ANKS1B: variants seen among roughly 807,000 people sequenced by gnomAD.
ANKS1B encodes ankyrin repeat and sterile alpha motif domain-containing protein 1B.
A neutral mutation model predicts 148.3 loss-of-function variants in ANKS1B; 36 were observed. That is an observed-to-expected ratio of 0.24 (90% CI 0.19 to 0.32). The LOEUF is 0.32. Ranked by LOEUF, ANKS1B falls within the 10% of genes least tolerant of loss-of-function variation. The probability of loss-of-function intolerance (pLI) is 1.00; values close to 1 mark genes in which losing one functional copy is unlikely to be tolerated. For synonymous variants in ANKS1B, 542 were observed against 560.8 expected (o/e 0.97, Z 0.47); for missense variants, 1,157 against 1,542.6 (o/e 0.75, Z 4.19).
chr12:99,568,176 C>G (rs2097417553), intron 9 of ANKS1B, among the ~76,000 whole-genome samples: 1 of 152,154 alleles, frequency 6.6e-6, no homozygotes, highest in East Asian at 1.9e-4. Flanking sequence ...GGATGCATTC[C>G]TTCTAGGGGC....
intron 12 of ANKS1B, among the ~76,000 whole-genome samples, chr12:99,358,416 A>G (rs2092210664): frequency 6.6e-6 from 1 of 152,238 alleles, no homozygotes; most frequent in South Asian, 2.1e-4. Flanking sequence ...TGCTTCCCCT[A>G]TAAAATATCA....
intron 17 of ANKS1B, chr12:98,895,415 C>T (rs1444874289): frequency 5.6e-5 from 32 of 568,002 alleles, no homozygotes; most frequent in Non-Finnish European, 7.1e-5. Flanking sequence ...TGGCAGCAGC[C>T]GCCACTGCCG....
chr12:99,807,285 C>G (rs993335908), intron 3 of ANKS1B, among the ~76,000 whole-genome samples: 12 of 152,028 alleles, frequency 7.9e-5, no homozygotes, highest in African/African-American at 2.9e-4. Flanking sequence ...GAGGATGGAC[C>G]TAGATCAGTT....
intron 10 of ANKS1B, among the ~76,000 whole-genome samples, chr12:99,476,937 C>A (rs1372813691): frequency 6.6e-6 from 1 of 152,110 alleles, no homozygotes; most frequent in Non-Finnish European, 1.5e-5. Context: ...TCAGCTCCCA[C>A]AGGACTGTTG....
At chr12:99,751,542 T>C (rs1005641953) in intron 8 of ANKS1B, among the ~76,000 whole-genome samples, 1 of 152,056 alleles carries the variant, frequency 6.6e-6, no homozygotes, top group Non-Finnish European at 1.5e-5. Context: ...TTTTTCTCAA[T>C]TTCCAGTCAA....
chr12:98,977,205 C>A (rs1253274167), intron 17 of ANKS1B, among the ~76,000 whole-genome samples: 1 of 152,198 alleles, frequency 6.6e-6, no homozygotes, highest in African/African-American at 2.4e-5. Flanking sequence ...GTTCTAAACA[C>A]TTGAAAATTC....
intron 12 of ANKS1B, among the ~76,000 whole-genome samples, chr12:99,292,863 G>A (rs1477216846): frequency 2.0e-5 from 3 of 152,308 alleles, no homozygotes; most frequent in South Asian, 2.1e-4. Context: ...AGATGCTGGA[G>A]AGGATGTGGA....
intron 17 of ANKS1B, among the ~76,000 whole-genome samples, chr12:98,992,023 T>C (rs770816260): frequency 3.9e-5 from 6 of 152,156 alleles, no homozygotes; most frequent in Non-Finnish European, 8.8e-5. Context: ...GACAAATCAC[T>C]CTGCAGAGGT....
intron 12 of ANKS1B, among the ~76,000 whole-genome samples, chr12:99,391,566 C>T (rs891104043): frequency 6.6e-5 from 10 of 152,226 alleles, no homozygotes; most frequent in Non-Finnish European, 1.3e-4. Flanking sequence ...TCTCACAGCA[C>T]TTTCTCATGG....
chr12:99,187,742 CA>C (rs1215401416), intron 14 of ANKS1B, among the ~76,000 whole-genome samples: 1 of 152,142 alleles, frequency 6.6e-6, no homozygotes, highest in East Asian at 1.9e-4. Flanking sequence ...AAAAACATAC[CA>C]AATTGTAAAG....
At chr12:99,901,573 T>G (rs1424546200) in intron 1 of ANKS1B, among the ~76,000 whole-genome samples, 1 of 152,180 alleles carries the variant, frequency 6.6e-6, no homozygotes, top group Non-Finnish European at 1.5e-5. Flanking sequence ...AGGATTATTC[T>G]GGGTCTTCTG....
chr12:99,147,689 G>T (rs1436994331), intron 15 of ANKS1B, among the ~76,000 whole-genome samples: 1 of 152,060 alleles, frequency 6.6e-6, no homozygotes, highest in Admixed American at 6.6e-5. Context: ...AGAAAGAGGT[G>T]AAACATGGAG....
chr12:99,673,109 T>C (rs1429892599), intron 8 of ANKS1B, among the ~76,000 whole-genome samples: 3 of 152,068 alleles, frequency 2.0e-5, no homozygotes, highest in Non-Finnish European at 4.4e-5. Context: ...TAAGACCATA[T>C]AATCTTAGGT....
At chr12:99,639,778 G>A in intron 9 of ANKS1B, among the ~76,000 whole-genome samples, 1 of 152,180 alleles carries the variant, frequency 6.6e-6, no homozygotes, top group East Asian at 1.9e-4. Flanking sequence ...CAGCCCAGCA[G>A]AGCTGTGAGT....
intron 14 of ANKS1B, among the ~76,000 whole-genome samples, chr12:99,170,452 C>T (rs969511634): frequency 3.9e-5 from 6 of 152,138 alleles, no homozygotes; most frequent in African/African-American, 1.4e-4. Context: ...ACACCTCACC[C>T]CATCTATCTC....
chr12:99,924,947 G>C (rs1359500310), intron 1 of ANKS1B, among the ~76,000 whole-genome samples: 1 of 152,036 alleles, frequency 6.6e-6, no homozygotes, highest in African/African-American at 2.4e-5. Flanking sequence ...ACTAGATGCA[G>C]TATAAGTTAG....
At chr12:99,554,314 T>C (rs1167145704) in intron 9 of ANKS1B, among the ~76,000 whole-genome samples, 3 of 152,116 alleles carry the variant, frequency 2.0e-5, no homozygotes, top group African/African-American at 7.2e-5. Context: ...TAAGGAAGGA[T>C]AGATAGCCAT....
At position 99,556,525 on chromosome 12, in the gene ANKS1B, G is replaced by A. The variant is rs2097277853; in HGVS notation, c.1273-51884C>T. Among the ~76,000 whole-genome samples the A allele has an allele frequency of 2.0e-5, 3 of 152,094 alleles. No individual in the cohort carries two copies. The South Asian group carries it at 6.2e-4, about 32-fold the overall frequency. On this transcript the variant is annotated intron_variant, in intron 9 of 26. Transcript: ENST00000683438. ...GCTTTTGTTTTTCTAGTTCCTCTAGGTGTGATGTTAGGTTATTAATTTGAA... is the reference window on the plus strand; with the variant it reads ...GCTTTTGTTTTTCTAGTTCCTCTAGATGTGATGTTAGGTTATTAATTTGAA...
intron 17 of ANKS1B, among the ~76,000 whole-genome samples, chr12:99,017,708 T>C (rs949742690): frequency 1.3e-5 from 2 of 152,166 alleles, no homozygotes; most frequent in Non-Finnish European, 2.9e-5. Context: ...GGAGACTGAT[T>C]TGAATGATAA....
Sources: allele counts gnomAD v4.1 joint callset (sites outside exome capture counted in the v4.1 genomes callset), GRCh38; gene constraint gnomAD v4.1.1; transcripts MANE v1.5; gene names NCBI Gene and HGNC (gene_info 2026-07-23, HGNC 2026-07-21).